The following NALF1 variants were observed in gnomAD, a reference collection of about 807,000 sequenced individuals.
NALF1 encodes the protein NALCN channel auxiliary factor 1.
Under a neutral mutation model 48.4 loss-of-function variants are expected in NALF1, and 3 were observed. The ratio of observed to expected loss-of-function variants is 0.06; its 90% confidence interval spans 0.03 to 0.16. The LOEUF (loss-of-function observed/expected upper bound fraction) is 0.16, where lower values mean the gene tolerates loss of function less well. NALF1 is among the 10% of genes least tolerant of loss of function. NALF1 has a pLI of 1.00. For synonymous variants in NALF1, 262 were observed against 245.7 expected (o/e 1.07, Z -0.62); for missense variants, 526 against 571.5 (o/e 0.92, Z 0.81).
At chr13:107,524,713 T>G (rs1051260841) in intron 1 of NALF1, among the ~76,000 whole-genome samples, 1 of 152,080 alleles carries the variant, frequency 6.6e-6, no homozygotes, top group Non-Finnish European at 1.5e-5. Context: ...TAGGAAAACT[T>G]AGGGAAAACG....
chr13:107,240,773 T>C (rs768115576), intron 1 of NALF1, among the ~76,000 whole-genome samples: 1 of 152,096 alleles, frequency 6.6e-6, no homozygotes, highest in Non-Finnish European at 1.5e-5. Flanking sequence ...TACATTATTA[T>C]TCAAAGAGGA....
chr13:107,700,371 A>T (rs907189410), intron 1 of NALF1, among the ~76,000 whole-genome samples: 1 of 151,840 alleles, frequency 6.6e-6, no homozygotes, highest in Non-Finnish European at 1.5e-5. Context: ...AATTTTGAGA[A>T]GGACATCAAG....
chr13:107,838,218 C>G (rs16971267), intron 1 of NALF1, among the ~76,000 whole-genome samples: 5 of 152,074 alleles, frequency 3.3e-5, no homozygotes, highest in Admixed American at 3.3e-4. Context: ...AAAAAGCCAG[C>G]ATCATCGGCA....
At chr13:107,325,530 C>CA (rs1414691558) in intron 1 of NALF1, among the ~76,000 whole-genome samples, 1 of 151,980 alleles carries the variant, frequency 6.6e-6, no homozygotes, top group African/African-American at 2.4e-5. Flanking sequence ...ATTATACAGT[C>CA]ACTTATCTTT....
intron 1 of NALF1, among the ~76,000 whole-genome samples, chr13:107,693,965 T>C (rs962669779): frequency 1.3e-4 from 20 of 152,190 alleles, no homozygotes; most frequent in Non-Finnish European, 2.8e-4. Flanking sequence ...CATTAAATCG[T>C]ACATGTAACG....
chr13:107,413,142 G>C (rs182577166), intron 1 of NALF1, among the ~76,000 whole-genome samples: 373 of 152,052 alleles, frequency 2.5e-3, no homozygotes, highest in African/African-American at 8.8e-3. Flanking sequence ...AATAATCCAG[G>C]GTCTATCTTC....
chr13:107,475,907 TCCCCATGGA>T lies in NALF1; in HGVS notation c.916-265161_916-265153del, dbSNP rs562000039. The stretch of plus-strand genomic sequence containing the variant: ...CCCAAATACAATTTCCCTCTTTTTT[TCCCCATGGA>T]CCCAGGAGAGTTATAAATAGTAAGA... On this transcript the variant is annotated intron_variant, in intron 1 of 2. Coordinates refer to ENST00000375915, the MANE Select transcript of NALF1 (RefSeq NM_001080396.3). Among the ~76,000 whole-genome samples the T allele has an allele frequency of 2.0e-3, 301 of 152,174 alleles. 1 individual carries two copies. The highest frequency in any genetic ancestry group is 7.2e-3 in the African/African-American group (297 of 41,538).
intron 1 of NALF1, among the ~76,000 whole-genome samples, chr13:107,679,970 G>C (rs1182350504): frequency 6.6e-6 from 1 of 152,180 alleles, no homozygotes; most frequent in Non-Finnish European, 1.5e-5. Context: ...TTAGTGATGA[G>C]ACATGCTTCC....
intron 1 of NALF1, among the ~76,000 whole-genome samples, chr13:107,568,308 T>C (rs1275689898): frequency 6.6e-6 from 1 of 152,202 alleles, no homozygotes; most frequent in Non-Finnish European, 1.5e-5. Context: ...CTGGACAGTT[T>C]TTCATTCTGT....
intron 1 of NALF1, among the ~76,000 whole-genome samples, chr13:107,388,217 G>A (rs955803741): frequency 2.0e-5 from 3 of 152,156 alleles, no homozygotes; most frequent in African/African-American, 7.2e-5. Context: ...ACTCAAAAGA[G>A]ATTTTTTCCA....
At position 107,602,379 on chromosome 13, in the gene NALF1, A is replaced by G. The variant is rs373092558; in HGVS notation, c.915+263303T>C. 1.6e-4 allele frequency among the ~76,000 whole-genome samples: 24 copies of G among 151,886 alleles called. 2 individuals carry two copies. Among genetic ancestry groups the G allele is most frequent in the Admixed American group, 1.1e-3 (16 of 15,216 alleles). On this transcript the variant is annotated intron_variant, in intron 1 of 2. Transcript: ENST00000375915. Reference sequence around the variant, plus strand: ...GTAAGGCACACTCGACTAAAATAACATCTGAGATCTCTCCAGAGTGTCTCT... The same window carrying G: ...GTAAGGCACACTCGACTAAAATAACGTCTGAGATCTCTCCAGAGTGTCTCT...
rs772690616 is a variant in NALF1, at chr13:107,347,568, G to A, written c.916-136813C>T. On this transcript the variant is annotated intron_variant, in intron 1 of 2. Coordinates refer to ENST00000375915, the MANE Select transcript of NALF1 (RefSeq NM_001080396.3). ...AAAATTCCATCATCTTCTCTTTCACGGGCAGTCTATCCAGCCATGTCAAGT... is the reference window on the plus strand; with the variant it reads ...AAAATTCCATCATCTTCTCTTTCACAGGCAGTCTATCCAGCCATGTCAAGT... 5.3e-5 allele frequency among the ~76,000 whole-genome samples: 8 copies of A among 152,022 alleles called. No homozygotes were observed. In the East Asian group the frequency reaches 5.8e-4, roughly 11 times the overall value.
chr13:107,494,900 TGAA>T (rs1305103189), intron 1 of NALF1, among the ~76,000 whole-genome samples: 1 of 152,132 alleles, frequency 6.6e-6, no homozygotes, highest in Non-Finnish European at 1.5e-5. Context: ...TTGGGCATTG[TGAA>T]GAACAGAATG....
chr13:107,293,002 T>C (rs1019834824), intron 1 of NALF1, among the ~76,000 whole-genome samples: 1 of 146,922 alleles, frequency 6.8e-6, no homozygotes, highest in Admixed American at 6.7e-5. Flanking sequence ...CTTTTTTTTT[T>C]TTTTTTTGAG....
chr13:107,743,544 A>G (rs1876698351), intron 1 of NALF1, among the ~76,000 whole-genome samples: 1 of 152,228 alleles, frequency 6.6e-6, no homozygotes. Context: ...TAGAGATGAT[A>G]TTTAAAGAAA....
Position 107,612,388 on chromosome 13 carries a change from T to C in NALF1, c.915+253294A>G, listed in dbSNP as rs2391462. On this transcript the variant is annotated intron_variant, in intron 1 of 2. Transcript: ENST00000375915. ...AGTTACCAATACTGCAATATACATTTAAATGTGATTGGGGGTGTGATTCTT... is the reference window on the plus strand; with the variant it reads ...AGTTACCAATACTGCAATATACATTCAAATGTGATTGGGGGTGTGATTCTT... Among the ~76,000 whole-genome samples, 3,116 of 152,160 alleles carry C rather than the reference T, an allele frequency of 0.02. 212 individuals are homozygous for C. The East Asian group carries it at 0.26, about 13-fold the overall frequency.
At chr13:107,381,684 G>A (rs1883443114) in intron 1 of NALF1, among the ~76,000 whole-genome samples, 1 of 152,074 alleles carries the variant, frequency 6.6e-6, no homozygotes, top group Non-Finnish European at 1.5e-5. Flanking sequence ...GAGTTTCATA[G>A]ATGGTGTCAA....
intron 2 of NALF1, among the ~76,000 whole-genome samples, chr13:107,203,814 G>A (rs1373822869): frequency 6.6e-6 from 1 of 152,228 alleles, no homozygotes; most frequent in South Asian, 2.1e-4. Flanking sequence ...TCTTAGACCA[G>A]GCAAGGTGTA....
intron 1 of NALF1, among the ~76,000 whole-genome samples, chr13:107,764,236 T>C (rs1000982861): frequency 1.9e-4 from 29 of 152,156 alleles, no homozygotes; most frequent in Admixed American, 1.7e-3. Context: ...TGTTTGTATA[T>C]ATGATGTTGC....
Sources: gnomAD v4.1 joint callset for allele counts (sites outside exome capture counted in the v4.1 genomes callset) on GRCh38, gnomAD v4.1.1 for gene constraint, MANE v1.5 for transcripts, NCBI Gene and HGNC (gene_info 2026-07-23, HGNC 2026-07-21) for gene names.